The following FAM222A variants were observed in gnomAD, a reference collection of about 807,000 sequenced individuals.
The protein encoded by FAM222A is protein FAM222A.
In FAM222A, 7 loss-of-function variants were observed where a neutral mutation model predicts 25.8. That is an observed-to-expected ratio of 0.27 (90% confidence interval 0.15 to 0.51). FAM222A has a LOEUF of 0.51. Ranked by LOEUF, FAM222A falls within the 20% of genes least tolerant of loss-of-function variation. The pLI is 0.97. For missense variants in FAM222A, 573 were observed against 640.5 expected (o/e 0.89, Z 1.14); for synonymous variants, 294 against 298.8 (o/e 0.98, Z 0.17).
intron 1 of FAM222A, among the ~76,000 whole-genome samples, chr12:109,715,675 G>C (rs1887629715): frequency 6.6e-6 from 1 of 152,200 alleles, no homozygotes; most frequent in African/African-American, 2.4e-5. Context: ...TGTCCCTGTT[G>C]ATGCTCCTCC....
intron 1 of FAM222A, among the ~76,000 whole-genome samples, chr12:109,726,636 AG>A (rs1287271196): frequency 3.3e-5 from 5 of 152,190 alleles, no homozygotes; most frequent in African/African-American, 7.2e-5. Flanking sequence ...CAGGAGCAGC[AG>A]GGGGGCTCAG....
intron 1 of FAM222A, among the ~76,000 whole-genome samples, chr12:109,738,928 C>G (rs545646509): frequency 1.3e-5 from 2 of 152,352 alleles, no homozygotes; most frequent in East Asian, 3.9e-4. Flanking sequence ...GTGAGAACCC[C>G]AGTGCCTGGC....
At chr12:109,717,372 C>T (rs1213616763) in intron 1 of FAM222A, among the ~76,000 whole-genome samples, 1 of 152,164 alleles carries the variant, frequency 6.6e-6, no homozygotes, top group East Asian at 1.9e-4. Context: ...TGAAGCTGCC[C>T]CTGGCCGCCC....
At chr12:109,765,477 C>T (rs547628469) in intron 2 of FAM222A, among the ~76,000 whole-genome samples, 1 of 152,364 alleles carries the variant, frequency 6.6e-6, no homozygotes, top group African/African-American at 2.4e-5. Context: ...TTTGCAGTTC[C>T]CACCCTGACT....
chr12:109,721,643 G>C (rs147576976), intron 1 of FAM222A, among the ~76,000 whole-genome samples: 195 of 152,300 alleles, frequency 1.3e-3, no homozygotes, highest in African/African-American at 4.6e-3. Flanking sequence ...CAGAGGACCA[G>C]GGGGGACAGC....
At chr12:109,755,370 T>TGGCGCAATCTCGGCTC (rs1169903882) in intron 2 of FAM222A, among the ~76,000 whole-genome samples, 1 of 131,338 alleles carries the variant, frequency 7.6e-6, no homozygotes, top group African/African-American at 2.9e-5. Context: ...TGGAGTGTAA[T>TGGCGCAATCTCGGCTC]GGCGCAATCT....
At chr12:109,728,995 A>G (rs978573317) in intron 1 of FAM222A, among the ~76,000 whole-genome samples, 1 of 151,016 alleles carries the variant, frequency 6.6e-6, no homozygotes. Flanking sequence ...AGAGGCTCAG[A>G]CAGCCAGGTA....
At chr12:109,745,925 G>C (rs1888388014) in intron 2 of FAM222A, among the ~76,000 whole-genome samples, 1 of 150,540 alleles carries the variant, frequency 6.6e-6, no homozygotes, top group South Asian at 2.1e-4. Context: ...TTTTTTAATT[G>C]GGTGGTGGTT....
chr12:109,750,417 G>A (rs1442118927), intron 2 of FAM222A, among the ~76,000 whole-genome samples: 2 of 152,220 alleles, frequency 1.3e-5, no homozygotes, highest in Non-Finnish European at 2.9e-5. Flanking sequence ...TGCAGTCCCA[G>A]CACTTTGGGA....
In FAM222A at chr12:109,768,052, G is replaced by A. The variant is rs534378287; in HGVS notation, c.123G>A (p.Pro41=). 99 of 1,613,726 alleles carry A rather than the reference G, an allele frequency of 6.1e-5. No individual in the cohort carries two copies. The highest frequency in any genetic ancestry group is 1.3e-4 in the East Asian group (6 of 44,882). ...GCGCCATGCATTCCTCCCGCTACCC[G>A]AGCCCAGCAGAACTGGACGCCTATG... ...VASAMHSSRY[P]SPAELDAYAE... is the part of the protein sequence containing the mutation. The change falls in exon 3 of 3, where the codon CCG becomes CCA. Residue 41 remains proline, a synonymous_variant. Coordinates refer to ENST00000538780, the MANE Select transcript of FAM222A (RefSeq NM_032829.3).
chr12:109,759,923 A>G (rs1247076530), intron 2 of FAM222A, among the ~76,000 whole-genome samples: 1 of 152,226 alleles, frequency 6.6e-6, no homozygotes, highest in Non-Finnish European at 1.5e-5. Context: ...CTCCAAATCT[A>G]GCCCAGGAGA....
chr12:109,739,102 T>C (rs1305040788), intron 1 of FAM222A, among the ~76,000 whole-genome samples: 1 of 152,172 alleles, frequency 6.6e-6, no homozygotes, highest in Non-Finnish European at 1.5e-5. Flanking sequence ...GCTCTAGGGA[T>C]TGGAGGTAGA....
chr12:109,765,636 C>T (rs1889027196), intron 2 of FAM222A, among the ~76,000 whole-genome samples: 1 of 152,254 alleles, frequency 6.6e-6, no homozygotes, highest in African/African-American at 2.4e-5. Flanking sequence ...CATGTCCCGC[C>T]ACCGCCTGTT....
At chr12:109,747,195 G>T (rs1264025297) in intron 2 of FAM222A, among the ~76,000 whole-genome samples, 1 of 152,206 alleles carries the variant, frequency 6.6e-6, no homozygotes, top group African/African-American at 2.4e-5. Flanking sequence ...CCAGGTTCAA[G>T]TGATTCTCCT....
intron 2 of FAM222A, among the ~76,000 whole-genome samples, chr12:109,761,474 C>A (rs1888894365): frequency 6.6e-6 from 1 of 152,206 alleles, no homozygotes; most frequent in African/African-American, 2.4e-5. Flanking sequence ...GGAGTAAAAT[C>A]CCCCTGCCAT....
At chr12:109,718,695 A>C (rs906932906) in intron 1 of FAM222A, among the ~76,000 whole-genome samples, 2 of 152,058 alleles carry the variant, frequency 1.3e-5, no homozygotes, top group Admixed American at 1.3e-4. Flanking sequence ...CCGGCCGGTC[A>C]CCTCCGCGGG....
At chr12:109,747,123 T>A (rs180850551) in intron 2 of FAM222A, among the ~76,000 whole-genome samples, 8 of 152,346 alleles carry the variant, frequency 5.3e-5, no homozygotes, top group Admixed American at 3.9e-4. Flanking sequence ...TGTGACAGTC[T>A]CACTCTGTTT....
chr12:109,764,103 C>G (rs1250088579), intron 2 of FAM222A, among the ~76,000 whole-genome samples: 1 of 151,596 alleles, frequency 6.6e-6, no homozygotes. Flanking sequence ...AGTGGCACAC[C>G]CTTGTAGTTC....
At chr12:109,727,321 G>T (rs902273608) in intron 1 of FAM222A, among the ~76,000 whole-genome samples, 4 of 152,160 alleles carry the variant, frequency 2.6e-5, no homozygotes, top group Non-Finnish European at 5.9e-5. Flanking sequence ...GCCTCTCGGA[G>T]GGGGAGGGGG....
Sources: allele counts gnomAD v4.1 joint callset (sites outside exome capture counted in the v4.1 genomes callset), GRCh38; gene constraint gnomAD v4.1.1; transcripts MANE v1.5; gene names NCBI Gene and HGNC (gene_info 2026-07-23, HGNC 2026-07-21).